PRH1: variants seen among roughly 807,000 people sequenced by gnomAD.
PRH1 encodes salivary acidic proline-rich phosphoprotein 1/2.
A neutral mutation model predicts 7.9 loss-of-function variants in PRH1; 7 were observed. The observed-to-expected ratio is 0.89, with a 90% CI of 0.50 to 1.67. PRH1 has a LOEUF of 1.67. Among genes scored for constraint, PRH1 ranks in the 40% most tolerant of loss-of-function variants. The probability of loss-of-function intolerance (pLI) is 0.00; values close to 1 mark genes in which losing one functional copy is unlikely to be tolerated. For synonymous variants in PRH1, 45 were observed against 80.8 expected, an observed-to-expected ratio of 0.56 and a Z score of 2.38; for missense variants, 109 against 223.6, an observed-to-expected ratio of 0.49 and a Z score of 3.27.
intron 2 of PRH1, among the ~76,000 whole-genome samples, chr12:10,942,584 T>C (rs935553813): frequency 6.6e-6 from 1 of 152,144 alleles, no homozygotes; most frequent in African/African-American, 2.4e-5. Context: ...ACCCTGTCTG[T>C]TTCCAGACAG....
intron 1 of PRH1, among the ~76,000 whole-genome samples, chr12:10,981,578 T>C (rs866871316): frequency 3.3e-5 from 5 of 152,118 alleles, no homozygotes. Flanking sequence ...TTTCACCATG[T>C]TGGCCAGGCT....
At chr12:10,910,242 T>A (rs1949876534) in intron 2 of PRH1, among the ~76,000 whole-genome samples, 1 of 152,152 alleles carries the variant, frequency 6.6e-6, no homozygotes. Context: ...TTCACCTACC[T>A]ATGATAAAGT....
chr12:11,020,101 C>T (rs144306455), intron 1 of PRH1, among the ~76,000 whole-genome samples: 648 of 152,322 alleles, frequency 4.3e-3, no homozygotes, highest in African/African-American at 0.015. Context: ...CTGAGAAATG[C>T]TTCTTCTTCA....
chr12:11,099,436 T>C (rs1418080460), intron 1 of PRH1, among the ~76,000 whole-genome samples: 3 of 151,812 alleles, frequency 2.0e-5, no homozygotes, highest in African/African-American at 7.3e-5. Flanking sequence ...CTTAGAAAAA[T>C]GAAATCCAGG....
chr12:10,965,489 G>C, intron 2 of PRH1: 1 of 354,910 alleles, frequency 2.8e-6, no homozygotes, highest in South Asian at 3.1e-5. Context: ...CAAATACTGT[G>C]ACCAGTGTCA....
rs1304941433 is a variant in PRH1, at chr12:10,985,882, A to G, written c.-125-12161T>C. 8 of 1,361,834 alleles carry G rather than the reference A, an allele frequency of 5.9e-6. No homozygotes were observed. The African/African-American group carries it at 1.2e-4, about 20-fold the overall frequency. 84.4% of individuals were successfully genotyped at this position (1,361,834 alleles called of 1,614,324 possible). A position where few individuals can be genotyped will look rare whatever the true frequency, so the allele number is the denominator to read the frequency against. ...AAAAGTATAAAATGTTCCAGACACT[A>G]TCAGTTTGTTTTCTCCTAGAATACA... On this transcript the variant is annotated intron_variant, in intron 1 of 3. Coordinates refer to the PRH1 transcript ENST00000539853.
intron 2 of PRH1, among the ~76,000 whole-genome samples, chr12:10,952,052 T>C (rs1937700921): frequency 6.6e-6 from 1 of 152,208 alleles, no homozygotes; most frequent in Non-Finnish European, 1.5e-5. Flanking sequence ...AATACCCTCT[T>C]TGGATAGTCT....
intron 1 of PRH1, among the ~76,000 whole-genome samples, chr12:11,053,218 C>T (rs1943228035): frequency 6.6e-6 from 1 of 152,170 alleles, no homozygotes; most frequent in Non-Finnish European, 1.5e-5. Flanking sequence ...TCATTGTATT[C>T]CATGACATAA....
chr12:11,039,187 T>C (rs1942589066), intron 1 of PRH1, among the ~76,000 whole-genome samples: 1 of 152,226 alleles, frequency 6.6e-6, no homozygotes, highest in African/African-American at 2.4e-5. Flanking sequence ...AGTAAACTTA[T>C]CATGTCTGAA....
In PRH1 at chr12:10,985,696, G is replaced by A. The variant is rs190305361; in HGVS notation, c.-125-11975C>T. ...CATATTTTCTATAATTTGGCATCTT[G>A]TGAAAATATGATTAACATTATGTTA... On this transcript the variant is annotated intron_variant, in intron 1 of 3. Coordinates refer to the PRH1 transcript ENST00000539853. Among the ~76,000 whole-genome samples the A allele has an allele frequency of 5.3e-5, 8 of 152,198 alleles. No homozygotes were observed. The East Asian group carries it at 1.5e-3, about 29-fold the overall frequency.
intron 1 of PRH1, among the ~76,000 whole-genome samples, chr12:10,981,068 C>T (rs1939327727): frequency 6.6e-6 from 1 of 152,060 alleles, no homozygotes; most frequent in African/African-American, 2.4e-5. Context: ...AATGGAAAAC[C>T]CTCAGCCAGT....
intron 1 of PRH1, among the ~76,000 whole-genome samples, chr12:11,136,623 C>A (rs545264610): frequency 6.6e-6 from 1 of 152,292 alleles, no homozygotes; most frequent in East Asian, 1.9e-4. Flanking sequence ...TATATAATCA[C>A]CCTCAAGACA....
At chr12:11,014,428 G>A (rs1277126868) in intron 1 of PRH1, among the ~76,000 whole-genome samples, 2 of 152,206 alleles carry the variant, frequency 1.3e-5, no homozygotes, top group African/African-American at 4.8e-5. Flanking sequence ...ACTCTCTGGT[G>A]ATCTTGCAAA....
chr12:10,991,192 G>A (rs1477491556), intron 1 of PRH1, among the ~76,000 whole-genome samples: 1 of 152,128 alleles, frequency 6.6e-6, no homozygotes, highest in East Asian at 1.9e-4. Context: ...ATAAAAACAT[G>A]AGTGTAGACC....
At chr12:10,916,008 C>T (rs1949967034) in intron 2 of PRH1, among the ~76,000 whole-genome samples, 1 of 152,046 alleles carries the variant, frequency 6.6e-6, no homozygotes, top group African/African-American at 2.4e-5. Context: ...AAGACATACA[C>T]AAGACTAAGT....
chr12:10,899,321 AAGTCAGAATGCTATGG>A (rs1949692315), intron 2 of PRH1, among the ~76,000 whole-genome samples: 1 of 152,156 alleles, frequency 6.6e-6, no homozygotes, highest in Non-Finnish European at 1.5e-5. Context: ...TCAGGGGACC[AAGTCAGAATGCTATGG>A]TTTGTACACG....
chr12:10,938,437 C>A (rs1432016783), intron 2 of PRH1: 1 of 1,613,972 alleles, frequency 6.2e-7, no homozygotes, highest in Non-Finnish European at 8.5e-7. Context: ...GATTTTCCTC[C>A]AACCTTTCAG....
intron 1 of PRH1, among the ~76,000 whole-genome samples, chr12:11,029,952 A>G (rs1227954452): frequency 6.6e-6 from 1 of 152,216 alleles, no homozygotes; most frequent in African/African-American, 2.4e-5. Context: ...TCGAGGTTCA[A>G]GCAATGAATT....
intron 1 of PRH1, among the ~76,000 whole-genome samples, chr12:11,130,211 C>T (rs1383392403): frequency 7.9e-6 from 1 of 126,302 alleles, no homozygotes; most frequent in African/African-American, 2.7e-5. Flanking sequence ...CAAGTTTCTT[C>T]AGTATAGTAA....
Sources: gnomAD v4.1 joint callset for allele counts (sites outside exome capture counted in the v4.1 genomes callset) on GRCh38, gnomAD v4.1.1 for gene constraint, MANE v1.5 for transcripts, NCBI Gene and HGNC (gene_info 2026-07-23, HGNC 2026-07-21) for gene names.